Variants in NRG3 observed in about 807,000 individuals in gnomAD.
The protein encoded by NRG3 is neuregulin 3, also known as pro-neuregulin-3, membrane-bound isoform.
Under a neutral mutation model 66.9 loss-of-function variants are expected in NRG3, and 31 were observed. The observed-to-expected ratio is 0.46, with a 90% CI of 0.35 to 0.63. The LOEUF (loss-of-function observed/expected upper bound fraction) is 0.63, where lower values mean the gene tolerates loss of function less well. NRG3 is among the 20% of genes least tolerant of loss of function. The pLI, the probability that NRG3 is intolerant of heterozygous loss-of-function variation, is 0.00. For missense variants in NRG3, 910 were observed against 878.9 expected (o/e 1.04, Z -0.45); for synonymous variants, 393 against 359.4 (o/e 1.09, Z -1.06).
chr10:82,097,472 T>C (rs2066427086), intron 1 of NRG3, among the ~76,000 whole-genome samples: 1 of 147,772 alleles, frequency 6.8e-6, no homozygotes, highest in African/African-American at 2.5e-5. Context: ...AATATATATA[T>C]GTGATATGTA....
At chr10:82,534,576 T>C (rs1195149576) in intron 2 of NRG3, among the ~76,000 whole-genome samples, 1 of 152,136 alleles carries the variant, frequency 6.6e-6, no homozygotes. Flanking sequence ...GAAAAAATTT[T>C]AAAATGCATA....
At chr10:82,163,952 G>A (rs867572550) in intron 1 of NRG3, among the ~76,000 whole-genome samples, 96 of 145,998 alleles carry the variant, frequency 6.6e-4, no homozygotes, top group African/African-American at 2.4e-3. Flanking sequence ...ATGGAGTCTC[G>A]CTCTGTTGCC....
At chr10:82,644,138 G>A (rs1280938872) in intron 2 of NRG3, among the ~76,000 whole-genome samples, 1 of 152,012 alleles carries the variant, frequency 6.6e-6, no homozygotes, top group Non-Finnish European at 1.5e-5. Flanking sequence ...TTTTCTTGAG[G>A]GTGGGGATAT....
intron 2 of NRG3, among the ~76,000 whole-genome samples, chr10:82,494,146 G>A (rs1843409145): frequency 6.6e-6 from 1 of 152,180 alleles, no homozygotes; most frequent in African/African-American, 2.4e-5. Flanking sequence ...TGGAGGGAAT[G>A]TAAATTAGTT....
At chr10:81,952,864 G>T (rs1849505531) in intron 1 of NRG3, among the ~76,000 whole-genome samples, 1 of 152,010 alleles carries the variant, frequency 6.6e-6, no homozygotes, top group Admixed American at 6.6e-5. Context: ...TCCTGACTTG[G>T]GATTACAGGC....
Position 82,293,246 on chromosome 10 carries a change from A to C in NRG3, c.824-65493A>C, listed in dbSNP as rs75118817. Among the ~76,000 whole-genome samples, 751 of 152,298 alleles carry C rather than the reference A, an allele frequency of 4.9e-3. 4 individuals carry two copies. The highest frequency in any genetic ancestry group is 0.017 in the African/African-American group (704 of 41,552). Reference sequence around the variant, plus strand: ...TCAAGAAGATCTGTACTTAGACGGCAGTATAAATACTTGGCAGACACTGCA... The same window carrying C: ...TCAAGAAGATCTGTACTTAGACGGCCGTATAAATACTTGGCAGACACTGCA... On this transcript the variant is annotated intron_variant, in intron 1 of 8. Transcript: ENST00000372141.
chr10:82,674,974 T>TA (rs397816173), intron 2 of NRG3, among the ~76,000 whole-genome samples: 4 of 151,004 alleles, frequency 2.6e-5, no homozygotes, highest in Admixed American at 1.3e-4. Flanking sequence ...TTTATTTATT[T>TA]TTTGAGACGG....
chr10:81,972,379 A>G (rs572453498), intron 1 of NRG3, among the ~76,000 whole-genome samples: 1 of 152,314 alleles, frequency 6.6e-6, no homozygotes, highest in South Asian at 2.1e-4. Context: ...AAAAATCCAG[A>G]ACAGCGATAG....
intron 2 of NRG3, among the ~76,000 whole-genome samples, chr10:82,727,547 G>T (rs184315924): frequency 6.6e-6 from 1 of 152,240 alleles, no homozygotes; most frequent in Non-Finnish European, 1.5e-5. Flanking sequence ...GGAAACCTCT[G>T]CCTAGATTTC....
intron 2 of NRG3, among the ~76,000 whole-genome samples, chr10:82,454,962 T>C (rs762893177): frequency 3.9e-5 from 6 of 152,216 alleles, no homozygotes; most frequent in Non-Finnish European, 7.3e-5. Context: ...TCTCCATTTA[T>C]AATGAGGAAA....
intron 1 of NRG3, among the ~76,000 whole-genome samples, chr10:82,056,834 A>G (rs2063868872): frequency 2.0e-5 from 3 of 152,132 alleles, no homozygotes; most frequent in Admixed American, 6.5e-5. Context: ...TGTGTTTGCT[A>G]TTGAGAAGCC....
intron 2 of NRG3, among the ~76,000 whole-genome samples, chr10:82,480,368 A>C (rs7088129): frequency 0.88 from 133,789 of 152,100 alleles, 59,280 homozygotes; most frequent in East Asian, 0.98. Flanking sequence ...TAATTACATC[A>C]CCAAAAAGTC....
At chr10:81,960,370 AG>A (rs1342179700) in intron 1 of NRG3, among the ~76,000 whole-genome samples, 1 of 152,150 alleles carries the variant, frequency 6.6e-6, no homozygotes, top group Non-Finnish European at 1.5e-5. Context: ...AGTAACTTAA[AG>A]GCAACTTTCT....
intron 2 of NRG3, among the ~76,000 whole-genome samples, chr10:82,451,829 A>G (rs1017425720): frequency 6.6e-6 from 1 of 152,190 alleles, no homozygotes; most frequent in Non-Finnish European, 1.5e-5. Context: ...CATGTGAATT[A>G]TACATTGCCT....
chr10:82,577,325 T>A (rs1286455706), intron 2 of NRG3, among the ~76,000 whole-genome samples: 1 of 151,742 alleles, frequency 6.6e-6, no homozygotes, highest in Non-Finnish European at 1.5e-5. Flanking sequence ...ACAGAAGTCG[T>A]CAATATGTGT....
intron 1 of NRG3, among the ~76,000 whole-genome samples, chr10:82,185,541 T>TG (rs1206183649): frequency 1.3e-5 from 2 of 152,210 alleles, no homozygotes; most frequent in Non-Finnish European, 2.9e-5. Context: ...CAAAATAAAA[T>TG]GGATTATTTT....
At chr10:82,070,022 A>C (rs2064714398) in intron 1 of NRG3, among the ~76,000 whole-genome samples, 1 of 152,172 alleles carries the variant, frequency 6.6e-6, no homozygotes, top group African/African-American at 2.4e-5. Flanking sequence ...AATCCTCATC[A>C]CCCAAGAAAA....
intron 2 of NRG3, among the ~76,000 whole-genome samples, chr10:82,724,979 C>A (rs2057515433): frequency 6.6e-6 from 1 of 152,188 alleles, no homozygotes; most frequent in Non-Finnish European, 1.5e-5. Flanking sequence ...GTGGATAACA[C>A]ACTCTCTCCT....
At chr10:82,746,687 A>G (rs1270583966) in intron 3 of NRG3, among the ~76,000 whole-genome samples, 1 of 152,158 alleles carries the variant, frequency 6.6e-6, no homozygotes, top group Non-Finnish European at 1.5e-5. Flanking sequence ...GTTTTGTCTC[A>G]CACTTCATTA....
Sources: allele counts gnomAD v4.1 joint callset (sites outside exome capture counted in the v4.1 genomes callset), GRCh38; gene constraint gnomAD v4.1.1; transcripts MANE v1.5; gene names NCBI Gene and HGNC (gene_info 2026-07-23, HGNC 2026-07-21).